Variants in CHEK2 observed in about 807,000 individuals in gnomAD.
The protein encoded by CHEK2 is serine/threonine-protein kinase Chk2.
CHEK2 carries 71 observed loss-of-function variants against 69.1 expected under a neutral mutation model. The observed-to-expected ratio is 1.03, with a 90% CI of 0.85 to 1.25. The LOEUF is 1.25. Ranked by LOEUF, CHEK2 falls within the 50% of genes most tolerant of loss-of-function variation. The pLI is 0.00. For missense variants in CHEK2, 664 were observed against 649.6 expected, an observed-to-expected ratio of 1.02 and a Z score of -0.24; for synonymous variants, 189 against 226.9, an observed-to-expected ratio of 0.83 and a Z score of 1.50.
intron 13 of CHEK2, among the ~76,000 whole-genome samples, chr22:28,691,063 C>G (rs1447109022): frequency 6.6e-6 from 1 of 152,168 alleles, no homozygotes; most frequent in Non-Finnish European, 1.5e-5. Flanking sequence ...TACTCCGCAC[C>G]CTCTCACGGC....
At chr22:28,704,969 C>T (rs2053053493) in intron 7 of CHEK2, among the ~76,000 whole-genome samples, 1 of 151,768 alleles carries the variant, frequency 6.6e-6, no homozygotes, top group Non-Finnish European at 1.5e-5. Context: ...GTCTTGGAAG[C>T]ATAATGCTGA....
intron 13 of CHEK2, among the ~76,000 whole-genome samples, chr22:28,693,656 A>T (rs182438394): frequency 8.6e-4 from 131 of 152,232 alleles, no homozygotes; most frequent in Non-Finnish European, 1.6e-3. Flanking sequence ...AATATCAAAA[A>T]GGTTGTAGCC....
rs563752762 is a variant in CHEK2, at chr22:28,699,843, C to T, written c.1003G>A (p.Val335Met). The change falls in exon 9 of 15, where the codon GTG becomes ATG. Residue 335 changes from valine (V) to methionine (M), a missense_variant. Transcript: ENST00000404276. ...GAATTGAGGGCTTCTTTTACCTGCA[C>T]AGCCAAGAGCATCTGGTAAAAATAG... Reference protein sequence around the residue: ...KLYFYQMLLAVQYLHENGIIH... With the variant: ...KLYFYQMLLAMQYLHENGIIH... 3 of 1,611,186 alleles carry T rather than the reference C, an allele frequency of 1.9e-6. No individual in the cohort carries two copies. The highest frequency in any genetic ancestry group is 1.7e-6 in the Non-Finnish European group (2 of 1,177,352).
At chr22:28,708,511 G>A (rs1335733928) in intron 7 of CHEK2, among the ~76,000 whole-genome samples, 1 of 151,910 alleles carries the variant, frequency 6.6e-6, no homozygotes, top group Non-Finnish European at 1.5e-5. Context: ...AGCCACTCAG[G>A]TTCTCATAGG....
intron 7 of CHEK2, among the ~76,000 whole-genome samples, chr22:28,708,295 C>T (rs1467044802): frequency 6.6e-6 from 1 of 150,958 alleles, no homozygotes; most frequent in African/African-American, 2.4e-5. Flanking sequence ...GAGTTTGAGG[C>T]TGCAGTGAGC....
intron 2 of CHEK2, 100 bp from the exon 3 acceptor site, chr22:28,725,467 G>A: frequency 1.5e-6 from 2 of 1,378,682 alleles, no homozygotes; most frequent in Admixed American, 3.4e-5. Context: ...AGCCTAAGAA[G>A]GCAATCAGAA....
intron 1 of CHEK2, among the ~76,000 whole-genome samples, chr22:28,735,036 C>T (rs1422682888): frequency 6.6e-6 from 1 of 152,028 alleles, no homozygotes; most frequent in African/African-American, 2.4e-5. Flanking sequence ...CTCATAAAAG[C>T]TTACATTTGT....
At chr22:28,701,561 A>T (rs2052849093) in intron 8 of CHEK2, among the ~76,000 whole-genome samples, 1 of 152,196 alleles carries the variant, frequency 6.6e-6, no homozygotes. Context: ...CGATTTGCCA[A>T]CCAGGAGCAA....
In CHEK2 at chr22:28,734,517, G is replaced by T. The variant is rs768384031; in HGVS notation, c.205C>A (p.Gln69Lys). The change falls in exon 2 of 15, where the codon CAG (glutamine) becomes AAG (lysine). Residue 69 changes from glutamine (Q) to lysine (K), a missense_variant. Physicochemically the swap from Gln to Lys is moderately conservative, Grantham distance 53. Coordinates refer to ENST00000404276, the MANE Select transcript of CHEK2 (RefSeq NM_007194.4). ...TLSSLETVST[Q>K]ELYSIPEDQE... ...TCCTCAGGAATAGAATAGAGTTCCTGAGTGGACACTGTCTCTAAGGAGCTC... is the reference window on the plus strand; with the variant it reads ...TCCTCAGGAATAGAATAGAGTTCCTTAGTGGACACTGTCTCTAAGGAGCTC... The T allele has an allele frequency of 6.2e-7, 1 of 1,614,044 alleles. No homozygotes were observed. The highest frequency in any genetic ancestry group is 2.2e-5 in the East Asian group (1 of 44,870).
At chr22:28,706,539 G>A (rs1027059757) in intron 7 of CHEK2, among the ~76,000 whole-genome samples, 2 of 152,102 alleles carry the variant, frequency 1.3e-5, no homozygotes, top group African/African-American at 4.8e-5. Context: ...AACCTTCTGG[G>A]CTCAAGCAAT....
At chr22:28,706,094 C>T (rs180795441) in intron 7 of CHEK2, among the ~76,000 whole-genome samples, 112 of 152,174 alleles carry the variant, frequency 7.4e-4, no homozygotes, top group Non-Finnish European at 1.4e-3. Flanking sequence ...GAGATCAAGA[C>T]CACCCTGGCC....
At chr22:28,699,516 C>T (rs1365589503) in intron 9 of CHEK2, among the ~76,000 whole-genome samples, 1 of 152,130 alleles carries the variant, frequency 6.6e-6, no homozygotes, top group African/African-American at 2.4e-5. Context: ...AGGCACGCAA[C>T]ACTACACCCA....
intron 7 of CHEK2, 93 bp downstream of exon 7, chr22:28,709,913 G>C (rs2053320492): frequency 2.6e-6 from 2 of 758,104 alleles, no homozygotes; most frequent in Admixed American, 4.6e-5. Context: ...ACCACACCTG[G>C]CCAATATTAT....
chr22:28,715,395 ATT>A (rs531274182), intron 5 of CHEK2, among the ~76,000 whole-genome samples: 1 of 81,650 alleles, frequency 1.2e-5, no homozygotes, highest in Non-Finnish European at 2.8e-5. Context: ...GCTTATTTTT[ATT>A]TTTATTTATT....
intron 1 of CHEK2, 98 bp from the exon 2 acceptor site, chr22:28,734,825 G>T (rs73881129): frequency 9.1e-6 from 6 of 662,094 alleles, no homozygotes; most frequent in Non-Finnish European, 1.5e-5. Flanking sequence ...CAAAAGAAAA[G>T]AAAAAAAAAA....
At chr22:28,701,951 A>G (rs1412095669) in intron 8 of CHEK2, among the ~76,000 whole-genome samples, 1 of 111,352 alleles carries the variant, frequency 9.0e-6, no homozygotes, top group African/African-American at 3.2e-5. Flanking sequence ...CATCCCATAT[A>G]CTATTTTTTT....
In CHEK2 at chr22:28,699,646, A is replaced by G. The variant is rs183721416; in HGVS notation, c.1008+192T>C. 1,672 of 598,278 alleles carry G rather than the reference A, an allele frequency of 2.8e-3. 6 individuals are homozygous for G. Among genetic ancestry groups the G allele is most frequent in the Non-Finnish European group, 4.5e-3 (1,485 of 333,168 alleles). 37.1% of individuals were successfully genotyped at this position (598,278 alleles called of 1,614,324 possible). ...CAAAATGCTGGGATTATGGGCATGAACCACCGCGCCTCGCCAGTGAGAGCT... is the reference window on the plus strand; with the variant it reads ...CAAAATGCTGGGATTATGGGCATGAGCCACCGCGCCTCGCCAGTGAGAGCT... On this transcript the variant is annotated intron_variant, in intron 9 of 14. Coordinates refer to ENST00000404276, the MANE Select transcript of CHEK2 (RefSeq NM_007194.4).
chr22:28,724,727 C>T (rs12168921), intron 4 of CHEK2: 6 of 466,458 alleles, frequency 1.3e-5, no homozygotes, highest in Admixed American at 3.2e-5. Flanking sequence ...CCACCATGCC[C>T]GGCTTATTTT....
chr22:28,722,457 G>A (rs1851949550), intron 4 of CHEK2, among the ~76,000 whole-genome samples: 1 of 149,598 alleles, frequency 6.7e-6, no homozygotes, highest in African/African-American at 2.5e-5. Context: ...GGAGAATGGC[G>A]TGAACCCAGG....
Sources: allele counts gnomAD v4.1 joint callset (sites outside exome capture counted in the v4.1 genomes callset), GRCh38; gene constraint gnomAD v4.1.1; transcripts MANE v1.5; gene names NCBI Gene and HGNC (gene_info 2026-07-23, HGNC 2026-07-21).